Variants in RASA1 observed in about 807,000 individuals in gnomAD.
RASA1 encodes ras GTPase-activating protein 1.
Under a neutral mutation model 132.2 loss-of-function variants are expected in RASA1, and 25 were observed. The ratio of observed to expected loss-of-function variants is 0.19; its 90% CI spans 0.14 to 0.26. RASA1 has a LOEUF of 0.26. Among genes scored for constraint, RASA1 ranks in the 10% least tolerant of loss-of-function variants. RASA1 has a pLI of 1.00. For missense variants in RASA1, 964 were observed against 1,299.2 expected, an observed-to-expected ratio of 0.74 and a Z score of 3.97; for synonymous variants, 477 against 449.9, an observed-to-expected ratio of 1.06 and a Z score of -0.76.
chr5:87,364,125 GTA>G (rs1467736651), intron 11 of RASA1, among the ~76,000 whole-genome samples: 2 of 151,954 alleles, frequency 1.3e-5, no homozygotes, highest in Non-Finnish European at 2.9e-5. Flanking sequence ...CTTTTTAGAT[GTA>G]CTTACCATTT....
chr5:87,371,081 CCTATTTT>C (rs1760904445), intron 12 of RASA1, among the ~76,000 whole-genome samples: 1 of 151,962 alleles, frequency 6.6e-6, no homozygotes, highest in South Asian at 2.1e-4. Flanking sequence ...ACTTCAGTAT[CCTATTTT>C]CTAAGTATTT....
chr5:87,352,252 T>C (rs1419327781), intron 8 of RASA1, among the ~76,000 whole-genome samples: 1 of 151,670 alleles, frequency 6.6e-6, no homozygotes. Context: ...ACATTACTTA[T>C]ATTTGGTTTA....
intron 1 of RASA1, among the ~76,000 whole-genome samples, chr5:87,292,533 T>C (rs1754953671): frequency 6.6e-6 from 1 of 152,152 alleles, no homozygotes; most frequent in Non-Finnish European, 1.5e-5. Context: ...TTATTTGTCC[T>C]TTTCTGAAAT....
intron 1 of RASA1, among the ~76,000 whole-genome samples, chr5:87,302,209 G>A (rs1755395446): frequency 6.6e-6 from 1 of 152,010 alleles, no homozygotes; most frequent in South Asian, 2.1e-4. Context: ...ATTTAGTATT[G>A]TTTACCCTTT....
intron 21 of RASA1, among the ~76,000 whole-genome samples, chr5:87,384,566 A>G (rs1761939839): frequency 6.6e-6 from 1 of 152,094 alleles, no homozygotes; most frequent in Non-Finnish European, 1.5e-5. Context: ...ATAAATTATT[A>G]ATATTAAGGG....
intron 8 of RASA1, among the ~76,000 whole-genome samples, chr5:87,349,935 A>G (rs763920263): frequency 1.3e-5 from 2 of 151,888 alleles, no homozygotes; most frequent in Non-Finnish European, 2.9e-5. Context: ...AATGTCAGCA[A>G]TTTTTCAGTC....
chr5:87,327,503 G>A (rs1211069698), intron 1 of RASA1, among the ~76,000 whole-genome samples: 9 of 152,170 alleles, frequency 5.9e-5, no homozygotes, highest in African/African-American at 1.9e-4. Flanking sequence ...ACGAGATTTG[G>A]TATGTTTAGG....
At position 87,389,512 on chromosome 5, in the gene RASA1, G is replaced by C; in HGVS notation, c.3045G>C (p.Glu1015Asp). ...ATGAACTTCGAACGCTCAGTAATGAGCGTGGTGCACAGCAGGTAGGCTTTC... is the reference window on the plus strand; with the variant it reads ...ATGAACTTCGAACGCTCAGTAATGACCGTGGTGCACAGCAGGTAGGCTTTC... ...HSDELRTLSN[E>D]RGAQQHVLKK... Residue 1015 changes from glutamate to aspartate, a missense_variant, in exon 24 of 25, where the codon GAG becomes GAC. Transcript: ENST00000274376. 1.2e-6 allele frequency: 2 copies of C among 1,614,080 alleles called. No homozygotes were observed. Among genetic ancestry groups the C allele is most frequent in the African/African-American group, 1.3e-5 (1 of 75,048 alleles).
rs1455835722 is a variant in RASA1 at position 87,391,276 on chromosome 5, ATTC to A, written c.*396_*398del. The A allele has an allele frequency of 1.8e-5, 7 of 379,436 alleles. No individual in the cohort carries two copies. The highest frequency in any genetic ancestry group is 1.4e-4 in the African/African-American group (7 of 50,290). 23.5% of individuals were successfully genotyped at this position (379,436 alleles called of 1,614,324 possible). ...TATGAAATCAACTGACAAGAAACAC[ATTC>A]TTATTGACAATTGTGTATAACTGGA... On this transcript the variant is annotated 3_prime_UTR_variant, in exon 25 of 25. Coordinates refer to ENST00000274376, the MANE Select transcript of RASA1 (RefSeq NM_002890.3).
At chr5:87,298,713 A>G (rs1327999097) in intron 1 of RASA1, among the ~76,000 whole-genome samples, 1 of 152,204 alleles carries the variant, frequency 6.6e-6, no homozygotes. Flanking sequence ...ACCCTAGTGT[A>G]TTTGAAAGTA....
intron 1 of RASA1, among the ~76,000 whole-genome samples, chr5:87,287,545 CACACCATATATAT>C (rs1159198384): frequency 6.2e-5 from 9 of 144,278 alleles, no homozygotes; most frequent in African/African-American, 1.8e-4. Context: ...ACCATATATA[CACACCATATATAT>C]ACACCATACA....
intron 21 of RASA1, among the ~76,000 whole-genome samples, chr5:87,384,532 A>T (rs1048163322): frequency 6.6e-6 from 1 of 152,132 alleles, no homozygotes; most frequent in Admixed American, 6.6e-5. Context: ...ATTATCTTTT[A>T]TTGCTACTAA....
intron 13 of RASA1, among the ~76,000 whole-genome samples, chr5:87,373,830 A>G (rs1488266775): frequency 6.6e-6 from 1 of 152,128 alleles, no homozygotes; most frequent in Non-Finnish European, 1.5e-5. Context: ...TTATATTAAT[A>G]AAGAATTTTC....
At chr5:87,290,646 T>G (rs1414249570) in intron 1 of RASA1, among the ~76,000 whole-genome samples, 1 of 152,224 alleles carries the variant, frequency 6.6e-6, no homozygotes, top group Non-Finnish European at 1.5e-5. Context: ...TGTCTGTTCA[T>G]TCTTCCTTCC....
intron 9 of RASA1, among the ~76,000 whole-genome samples, chr5:87,358,239 G>T (rs1759800154): frequency 6.6e-6 from 1 of 152,092 alleles, no homozygotes; most frequent in Non-Finnish European, 1.5e-5. Context: ...GCAAGCATTA[G>T]ACAAAAAGGG....
chr5:87,378,349 T>A, intron 17 of RASA1, 47 bp from the exon 18 acceptor site: 2 of 1,599,700 alleles, frequency 1.3e-6, no homozygotes, highest in Non-Finnish European at 1.7e-6. Context: ...TTGGTCACAT[T>A]AGGTCAGTCC....
At chr5:87,276,919 T>C (rs892995765) in intron 1 of RASA1, among the ~76,000 whole-genome samples, 5 of 152,164 alleles carry the variant, frequency 3.3e-5, no homozygotes, top group Admixed American at 3.3e-4. Flanking sequence ...GCTAAGTTCA[T>C]ATAACTAGGT....
chr5:87,383,218 C>G (rs1761846991), intron 20 of RASA1, among the ~76,000 whole-genome samples: 1 of 152,118 alleles, frequency 6.6e-6, no homozygotes, highest in Non-Finnish European at 1.5e-5. Context: ...GAATCATCAA[C>G]AAAATCAATG....
chr5:87,385,649 TAATC>T (rs1762013054), intron 22 of RASA1, among the ~76,000 whole-genome samples: 1 of 152,096 alleles, frequency 6.6e-6, no homozygotes. Flanking sequence ...CTTTTAAACA[TAATC>T]AATGAGTACA....
Sources: allele counts gnomAD v4.1 joint callset (sites outside exome capture counted in the v4.1 genomes callset), GRCh38; gene constraint gnomAD v4.1.1; transcripts MANE v1.5; gene names NCBI Gene and HGNC (gene_info 2026-07-23, HGNC 2026-07-21).